Variants in SHROOM2 observed in about 807,000 individuals in gnomAD.
The protein encoded by SHROOM2 is shroom family member 2.
SHROOM2 carries 33 observed loss-of-function variants against 75.9 expected under a neutral mutation model. That is an observed-to-expected ratio of 0.43 (90% CI 0.33 to 0.58). The LOEUF (loss-of-function observed/expected upper bound fraction) is 0.58. SHROOM2 is among the 20% of genes least tolerant of loss of function. The pLI, the probability that SHROOM2 is intolerant of heterozygous loss-of-function variation, is 0.04. For missense variants in SHROOM2, 1,434 were observed against 1,461.2 expected, an observed-to-expected ratio of 0.98 and a Z score of 0.30; for synonymous variants, 655 against 663.6, an observed-to-expected ratio of 0.99 and a Z score of 0.20.
chrX:9,913,896 G>A (rs1180408582), intron 5 of SHROOM2, among the ~76,000 whole-genome samples: 2 of 111,673 alleles, frequency 1.8e-5, no homozygotes, highest in African/African-American at 3.3e-5. Context: ...TTTTCATTAC[G>A]GAATAGAACC....
At chrX:9,913,337 A>G (rs1412410672) in intron 5 of SHROOM2, 1 of 112,527 alleles carries the variant, frequency 8.9e-6, no homozygotes, top group Non-Finnish European at 1.9e-5. Context: ...GATTGCAGTG[A>G]GATAATTTAA....
intron 5 of SHROOM2, among the ~76,000 whole-genome samples, chrX:9,931,143 T>C (rs2084644577): frequency 8.9e-6 from 1 of 111,743 alleles, no homozygotes; most frequent in African/African-American, 3.3e-5. Flanking sequence ...TGCTGTTGTC[T>C]GAAGCTGAGG....
At chrX:9,816,660 G>A (rs2083824261) in intron 1 of SHROOM2, among the ~76,000 whole-genome samples, 1 of 110,382 alleles carries the variant, frequency 9.1e-6, no homozygotes, top group Non-Finnish European at 1.9e-5. Flanking sequence ...CTGCGAAGTG[G>A]ACATGGGGTT....
chrX:9,807,338 C>T (rs376886415), intron 1 of SHROOM2, among the ~76,000 whole-genome samples: 106 of 112,263 alleles, frequency 9.4e-4, no homozygotes, highest in African/African-American at 3.0e-3. Context: ...TTGTTTCAGG[C>T]GTGCGAGTTT....
At chrX:9,813,556 T>A (rs2083803080) in intron 1 of SHROOM2, among the ~76,000 whole-genome samples, 1 of 111,734 alleles carries the variant, frequency 8.9e-6, no homozygotes, top group Non-Finnish European at 1.9e-5. Context: ...AAATTGTTCG[T>A]AATGTAGTGG....
intron 1 of SHROOM2, among the ~76,000 whole-genome samples, chrX:9,801,659 T>C (rs1267718180): frequency 8.9e-6 from 1 of 112,312 alleles, no homozygotes; most frequent in Admixed American, 9.5e-5. Context: ...AAATATATTA[T>C]TAAAATTAAC....
At chrX:9,917,552 G>A (rs963070582) in intron 5 of SHROOM2, among the ~76,000 whole-genome samples, 11 of 110,787 alleles carry the variant, frequency 9.9e-5, no homozygotes, top group African/African-American at 3.0e-4. Flanking sequence ...ATGGAGTCTC[G>A]CTCTGTCACC....
intron 1 of SHROOM2, among the ~76,000 whole-genome samples, chrX:9,843,154 A>T (rs1184032361): frequency 9.1e-6 from 1 of 110,213 alleles, no homozygotes; most frequent in African/African-American, 3.3e-5. Context: ...AGAGATAGTA[A>T]GGAGAATTCT....
intron 1 of SHROOM2, among the ~76,000 whole-genome samples, chrX:9,816,038 G>C (rs1569140075): frequency 8.9e-6 from 1 of 112,321 alleles, no homozygotes; most frequent in Non-Finnish European, 1.9e-5. Flanking sequence ...CAGTGGGATC[G>C]TAGAATATGT....
rs1421464819 is a variant in SHROOM2 at position 9,896,187 on chromosome X, T to G, written c.2279T>G (p.Leu760Trp). 6 of 1,210,842 alleles carry G rather than the reference T, an allele frequency of 5.0e-6. No individual in the cohort carries two copies. Among genetic ancestry groups the G allele is most frequent in the Non-Finnish European group, 6.7e-6 (6 of 895,284 alleles). ...GRRRFTAEQK[L>W]KSYSEPEKMN... ...AGACGGTTCACAGCTGAGCAGAAAT[T>G]GAAGTCCTACTCGGAACCTGAGAAG... The change falls in exon 4 of 10, where the codon TTG becomes TGG. Residue 760 changes from leucine to tryptophan, a missense_variant. Physicochemically the swap from Leu to Trp is moderately conservative, Grantham distance 61. Around this residue, in one of 3 missense-constraint regions of SHROOM2, gnomAD observed 1,340 missense variants for 1,338.3 expected, o/e 1.00. Coordinates refer to ENST00000380913, the MANE Select transcript of SHROOM2 (RefSeq NM_001649.4).
intron 1 of SHROOM2, among the ~76,000 whole-genome samples, chrX:9,831,533 CTG>C (rs1189364462): frequency 8.9e-6 from 1 of 112,148 alleles, no homozygotes; most frequent in African/African-American, 3.2e-5. Context: ...TGGCGCATGC[CTG>C]TAATCCCAGC....
intron 1 of SHROOM2, among the ~76,000 whole-genome samples, chrX:9,792,064 T>C (rs1187159559): frequency 8.1e-5 from 1 of 12,296 alleles, no homozygotes; most frequent in South Asian, 4.0e-3. Flanking sequence ...TAGAATAGAA[T>C]AGAATAGAAT....
intron 1 of SHROOM2, among the ~76,000 whole-genome samples, chrX:9,834,629 T>G (rs2083934219): frequency 9.8e-6 from 1 of 102,447 alleles, no homozygotes; most frequent in Non-Finnish European, 1.9e-5. Flanking sequence ...CCACCTTATT[T>G]ATTTATTTAT....
At chrX:9,881,691 C>G (rs753737362) in intron 2 of SHROOM2, among the ~76,000 whole-genome samples, 4 of 112,588 alleles carry the variant, frequency 3.6e-5, no homozygotes, top group Non-Finnish European at 7.5e-5. Flanking sequence ...GTGCCTGTAA[C>G]TTTGCATTCA....
At chrX:9,853,785 G>A (rs758738510) in intron 1 of SHROOM2, among the ~76,000 whole-genome samples, 2 of 112,174 alleles carry the variant, frequency 1.8e-5, no homozygotes, top group South Asian at 7.5e-4. Flanking sequence ...ACATAATTCA[G>A]CCCCATAACA....
chrX:9,941,464 C>CG (rs367696040), intron 8 of SHROOM2, among the ~76,000 whole-genome samples: 10 of 112,175 alleles, frequency 8.9e-5, no homozygotes, highest in African/African-American at 3.2e-4. Flanking sequence ...TGAAAGCCAA[C>CG]GGCTGTTCTT....
chrX:9,792,457 G>GTT (rs397820377), intron 1 of SHROOM2, among the ~76,000 whole-genome samples: 16 of 101,480 alleles, frequency 1.6e-4, no homozygotes, highest in African/African-American at 5.4e-4. Context: ...TTTTTGTGTT[G>GTT]TTTTTTTTTT....
chrX:9,914,264 G>C (rs1317818546), intron 5 of SHROOM2, among the ~76,000 whole-genome samples: 1 of 109,255 alleles, frequency 9.2e-6, no homozygotes, highest in Non-Finnish European at 1.9e-5. Flanking sequence ...CAGCCAGAGG[G>C]ACAAATGACC....
intron 1 of SHROOM2, among the ~76,000 whole-genome samples, chrX:9,826,575 C>A (rs2083888597): frequency 9.1e-6 from 1 of 110,345 alleles, no homozygotes; most frequent in Non-Finnish European, 1.9e-5. Context: ...GGTTCAAGAG[C>A]AGTCTGGGCA....
Sources: allele counts gnomAD v4.1 joint callset (sites outside exome capture counted in the v4.1 genomes callset), GRCh38; gene constraint gnomAD v4.1.1; regional missense constraint gnomAD v4.1.1; transcripts MANE v1.5; gene names NCBI Gene and HGNC (gene_info 2026-07-23, HGNC 2026-07-21).